The following NAALADL2 variants were observed in gnomAD, a reference collection of about 807,000 sequenced individuals.
NAALADL2 encodes inactive N-acetylated-alpha-linked acidic dipeptidase-like protein 2.
Under a neutral mutation model 87.2 loss-of-function variants are expected in NAALADL2, and 76 were observed. The ratio of observed to expected loss-of-function variants is 0.87; its 90% confidence interval spans 0.72 to 1.05. NAALADL2 has a LOEUF of 1.05. Ranked by LOEUF, NAALADL2 falls within the 50% of genes least tolerant of loss-of-function variation. The pLI is 0.00. For missense variants in NAALADL2, 1,089 were observed against 945.8 expected (o/e 1.15, Z -1.99); for synonymous variants, 354 against 331.0 (o/e 1.07, Z -0.75).
At chr3:174,655,971 T>TATG (rs1724877339) in intron 2 of NAALADL2, among the ~76,000 whole-genome samples, 1 of 152,222 alleles carries the variant, frequency 6.6e-6, no homozygotes, top group Non-Finnish European at 1.5e-5. Context: ...CATAGCTATT[T>TATG]ATGTATCACT....
At chr3:174,581,751 T>C (rs1716189701) in intron 2 of NAALADL2, among the ~76,000 whole-genome samples, 1 of 152,162 alleles carries the variant, frequency 6.6e-6, no homozygotes, top group Non-Finnish European at 1.5e-5. Flanking sequence ...ACATGACTAG[T>C]TCTGGCCAGT....
chr3:175,219,049 T>C (rs1358312877), intron 2 of NAALADL2, among the ~76,000 whole-genome samples: 4 of 152,104 alleles, frequency 2.6e-5, no homozygotes, highest in East Asian at 3.9e-4. Context: ...TAACAGACAA[T>C]TGAGTCAGCT....
chr3:174,792,510 A>G (rs529151712), intron 3 of NAALADL2, among the ~76,000 whole-genome samples: 20 of 152,128 alleles, frequency 1.3e-4, no homozygotes, highest in South Asian at 4.1e-4. Flanking sequence ...TCTCTTGCAT[A>G]TAATAGATGG....
At chr3:174,564,236 GA>G in intron 2 of NAALADL2, among the ~76,000 whole-genome samples, 1 of 152,238 alleles carries the variant, frequency 6.6e-6, no homozygotes, top group East Asian at 1.9e-4. Flanking sequence ...GCCTCAACCT[GA>G]ATAGCTTTAT....
At chr3:175,595,076 C>G (rs1352363473) in intron 10 of NAALADL2, among the ~76,000 whole-genome samples, 1 of 151,984 alleles carries the variant, frequency 6.6e-6, no homozygotes, top group African/African-American at 2.4e-5. Context: ...TTTGTCACAG[C>G]CATTGCACGA....
intron 11 of NAALADL2, among the ~76,000 whole-genome samples, chr3:175,678,618 G>T (rs146468414): frequency 0.028 from 4,324 of 152,156 alleles, 206 homozygotes; most frequent in African/African-American, 0.099. Flanking sequence ...GCAAACTATC[G>T]CAAGGACAGA....
chr3:175,560,296 A>T (rs1000638002), intron 9 of NAALADL2, among the ~76,000 whole-genome samples: 1 of 151,870 alleles, frequency 6.6e-6, no homozygotes, highest in African/African-American at 2.4e-5. Context: ...TTCATCTCTG[A>T]TTTCATTTAT....
chr3:174,645,715 G>A (rs1723713322), intron 2 of NAALADL2, among the ~76,000 whole-genome samples: 1 of 152,070 alleles, frequency 6.6e-6, no homozygotes, highest in South Asian at 2.1e-4. Flanking sequence ...AGTTAAATAT[G>A]TGTATTTTCC....
chr3:174,593,570 A>G (rs1717596572), intron 2 of NAALADL2, among the ~76,000 whole-genome samples: 2 of 137,878 alleles, frequency 1.5e-5, no homozygotes, highest in Admixed American at 1.6e-4. Flanking sequence ...AACAAGGGAG[A>G]AAGCTGATTT....
chr3:175,753,745 C>A (rs1009843645), intron 12 of NAALADL2, among the ~76,000 whole-genome samples: 1 of 152,108 alleles, frequency 6.6e-6, no homozygotes, highest in Admixed American at 6.5e-5. Context: ...CCAAGTATTA[C>A]GGGAACTGGT....
At chr3:174,859,479 A>G in intron 1 of NAALADL2, 29 bp downstream of exon 1, 1 of 1,587,036 alleles carries the variant, frequency 6.3e-7, no homozygotes, top group Non-Finnish European at 8.6e-7. Context: ...TGAACTTTTC[A>G]CTTTTCACAA....
intron 1 of NAALADL2, among the ~76,000 whole-genome samples, chr3:174,534,562 A>T (rs1721547949): frequency 6.6e-6 from 1 of 152,168 alleles, no homozygotes; most frequent in African/African-American, 2.4e-5. Flanking sequence ...TAGCCATCAC[A>T]TCTGTATACA....
At chr3:174,627,382 G>C (rs1721676003) in intron 2 of NAALADL2, among the ~76,000 whole-genome samples, 1 of 152,048 alleles carries the variant, frequency 6.6e-6, no homozygotes, top group African/African-American at 2.4e-5. Context: ...CCCACAAAAA[G>C]ATACCATCTT....
chr3:174,968,335 A>G (rs1241423746), intron 1 of NAALADL2, among the ~76,000 whole-genome samples: 2 of 152,162 alleles, frequency 1.3e-5, no homozygotes, highest in Admixed American at 1.3e-4. Flanking sequence ...TTTTCTGCCA[A>G]CGCTGTGTGA....
rs1040710932 is a variant in NAALADL2, at chr3:175,804,541, A to G, written c.*1338A>G. ...AATTTATGTGAAAAATGGTTTTCCT[A>G]TACTGGATAAAGCAATTCCCCTTAG... On this transcript the variant is annotated 3_prime_UTR_variant, in exon 14 of 14. Coordinates refer to ENST00000454872, the MANE Select transcript of NAALADL2 (RefSeq NM_207015.3). The G allele has an allele frequency of 2.6e-5, 4 of 151,876 alleles. No homozygotes were observed. The highest frequency in any genetic ancestry group is 2.1e-4 in the South Asian group (1 of 4,836). The allele number at this position is 151,876 out of a possible 1,614,324, so 9.4% of individuals were successfully genotyped here.
In NAALADL2 at chr3:174,539,576, A is replaced by T. The variant is rs551945637; in HGVS notation, c.-183-10993A>T. Among the ~76,000 whole-genome samples, 7 of 152,252 alleles carry T rather than the reference A, an allele frequency of 4.6e-5. No homozygotes were observed. The South Asian group carries it at 1.5e-3, about 32-fold the overall frequency. On this transcript the variant is annotated intron_variant, in intron 1 of 3. Transcript: ENST00000434257. ...TTATTTCTTTAAAATGTGCTATCTT[A>T]TGGTCACCTTACTGACAGATTTGTC...
At chr3:175,784,184 C>A (rs1368397794) in intron 13 of NAALADL2, among the ~76,000 whole-genome samples, 1 of 147,504 alleles carries the variant, frequency 6.8e-6, no homozygotes, top group African/African-American at 2.5e-5. Flanking sequence ...TGTGTCTCTG[C>A]CCGGCTTTGG....
At chr3:174,594,862 C>T (rs1222683151) in intron 2 of NAALADL2, among the ~76,000 whole-genome samples, 1 of 152,190 alleles carries the variant, frequency 6.6e-6, no homozygotes, top group Non-Finnish European at 1.5e-5. Flanking sequence ...CACTTATCAA[C>T]AGCTATGCGT....
chr3:174,984,606 A>G (rs979222689), intron 1 of NAALADL2, among the ~76,000 whole-genome samples: 2 of 152,178 alleles, frequency 1.3e-5, no homozygotes, highest in African/African-American at 4.8e-5. Flanking sequence ...AAATTTGAAC[A>G]CATCTGAAAT....
Sources: gnomAD v4.1 joint callset for allele counts (sites outside exome capture counted in the v4.1 genomes callset) on GRCh38, gnomAD v4.1.1 for gene constraint, MANE v1.5 for transcripts, NCBI Gene and HGNC (gene_info 2026-07-23, HGNC 2026-07-21) for gene names.